The following TTLL11 variants were observed in gnomAD, a reference collection of about 807,000 sequenced individuals.
The protein encoded by TTLL11 is tubulin tyrosine ligase like 11, also known as tubulin polyglutamylase TTLL11.
Under a neutral mutation model 51.7 loss-of-function variants are expected in TTLL11, and 42 were observed. That is an observed-to-expected ratio of 0.81 (90% confidence interval 0.64 to 1.05). The LOEUF is 1.05. TTLL11 is among the 50% of genes least tolerant of loss of function. TTLL11 has a pLI of 0.00. For synonymous variants in TTLL11, 381 were observed against 383.5 expected (o/e 0.99, Z 0.08); for missense variants, 799 against 940.4 (o/e 0.85, Z 1.97).
At chr9:121,984,040 T>G (rs932877643) in intron 4 of TTLL11, among the ~76,000 whole-genome samples, 2 of 152,082 alleles carry the variant, frequency 1.3e-5, no homozygotes, top group Non-Finnish European at 2.9e-5. Context: ...GCATGCCAGG[T>G]CAGCCGAGAC....
chr9:121,902,408 T>G (rs1017918020), intron 6 of TTLL11, among the ~76,000 whole-genome samples: 2 of 152,222 alleles, frequency 1.3e-5, no homozygotes, highest in Non-Finnish European at 2.9e-5. Context: ...CTTTTTCCAT[T>G]GTTCTGTGCG....
intron 8 of TTLL11, among the ~76,000 whole-genome samples, chr9:121,850,376 T>C (rs1444705735): frequency 1.3e-5 from 2 of 151,434 alleles, no homozygotes; most frequent in Non-Finnish European, 2.9e-5. Flanking sequence ...ATGCCAATGG[T>C]GTAACTCTCA....
At chr9:121,831,097 G>A (rs1015179643) in intron 8 of TTLL11, among the ~76,000 whole-genome samples, 1 of 152,224 alleles carries the variant, frequency 6.6e-6, no homozygotes, top group Non-Finnish European at 1.5e-5. Flanking sequence ...GGATGTGGGT[G>A]TGAAGGCAAG....
intron 6 of TTLL11, among the ~76,000 whole-genome samples, chr9:121,882,102 G>A (rs950970895): frequency 1.3e-5 from 2 of 152,230 alleles, no homozygotes; most frequent in East Asian, 1.9e-4. Context: ...CACTCAGTAA[G>A]TGTTAGCTGC....
At chr9:122,031,681 C>A (rs1477682951) in intron 3 of TTLL11, 42 bp downstream of exon 3, 3 of 1,603,348 alleles carry the variant, frequency 1.9e-6, no homozygotes, top group Middle Eastern at 2.3e-4. Context: ...CAGTTGCAAG[C>A]ATAATATAAT....
At position 121,940,587 on chromosome 9, in the gene TTLL11, C is replaced by T. The variant is rs1174245763; in HGVS notation, c.1481+33422G>A. ...ACTCCTGACCTCATGATCTGCCCAC[C>T]TCAGCCTCCCAAAGTGCTGGGATTA... On this transcript the variant is annotated intron_variant, in intron 6 of 8. Transcript: ENST00000321582. Among the ~76,000 whole-genome samples the T allele has an allele frequency of 2.0e-5, 3 of 152,122 alleles. No homozygotes were observed. The East Asian group carries it at 5.8e-4, about 29-fold the overall frequency.
chr9:121,926,342 G>C (rs1403511451), intron 6 of TTLL11, among the ~76,000 whole-genome samples: 1 of 152,206 alleles, frequency 6.6e-6, no homozygotes, highest in Admixed American at 6.5e-5. Flanking sequence ...CTCCCTCCAG[G>C]TCCGCGGGTC....
intron 7 of TTLL11, among the ~76,000 whole-genome samples, chr9:121,867,759 C>T (rs1838222677): frequency 6.6e-6 from 1 of 152,016 alleles, no homozygotes; most frequent in Non-Finnish European, 1.5e-5. Flanking sequence ...CTCTGAATGC[C>T]ACCCTGCTGG....
intron 6 of TTLL11, among the ~76,000 whole-genome samples, chr9:121,876,057 G>C (rs1213711533): frequency 6.6e-6 from 1 of 152,166 alleles, no homozygotes; most frequent in Non-Finnish European, 1.5e-5. Context: ...AGTGTAGGTG[G>C]AAACGATTCC....
At chr9:121,967,417 G>C (rs550023093) in intron 6 of TTLL11, among the ~76,000 whole-genome samples, 1 of 152,002 alleles carries the variant, frequency 6.6e-6, no homozygotes, top group South Asian at 2.1e-4. Context: ...TAAAGATGGG[G>C]TTTCACCATG....
At chr9:122,042,752 T>G (rs1441908614) in intron 1 of TTLL11, among the ~76,000 whole-genome samples, 9 of 152,268 alleles carry the variant, frequency 5.9e-5, no homozygotes, top group African/African-American at 2.2e-4. Context: ...GAAATATTAT[T>G]CAGTGCTAAA....
rs201079340 is a variant in TTLL11 at position 122,092,895 on chromosome 9, G to C, written c.254C>G (p.Pro85Arg). Reference sequence around the variant, plus strand: ...CGGCTTGGACGGGGGCAGCGTGGGCGGCGGCCGCTGAAGGACCTGGGTGTT... The same window carrying C: ...CGGCTTGGACGGGGGCAGCGTGGGCCGCGGCCGCTGAAGGACCTGGGTGTT... ...EGNTQVLQRP[P>R]PTLPPSKPKP... The change falls in exon 1 of 9, where the codon CCG (proline) becomes CGG (arginine). Residue 85 changes from proline to arginine, a missense_variant. By Grantham distance (103) the Pro-to-Arg change is moderately radical. Coordinates refer to ENST00000321582, the MANE Select transcript of TTLL11 (RefSeq NM_001139442.2). 3 of 1,568,812 alleles carry C rather than the reference G, an allele frequency of 1.9e-6. No homozygotes were observed. The highest frequency in any genetic ancestry group is 2.6e-6 in the Non-Finnish European group (3 of 1,165,710).
At chr9:121,893,678 C>A (rs919917045) in intron 6 of TTLL11, among the ~76,000 whole-genome samples, 1 of 152,112 alleles carries the variant, frequency 6.6e-6, no homozygotes, top group African/African-American at 2.4e-5. Context: ...CATTCCTCTG[C>A]CTGTATCTGC....
At chr9:121,848,355 G>T (rs1837575703) in intron 8 of TTLL11, among the ~76,000 whole-genome samples, 1 of 150,748 alleles carries the variant, frequency 6.6e-6, no homozygotes, top group Admixed American at 6.6e-5. Context: ...GGAAGAAAAA[G>T]TCCCCCCCCT....
At chr9:121,894,488 G>A (rs1187792469) in intron 6 of TTLL11, among the ~76,000 whole-genome samples, 2 of 152,106 alleles carry the variant, frequency 1.3e-5, no homozygotes, top group Non-Finnish European at 1.5e-5. Context: ...CAAAGACTTG[G>A]AACCAACCCA....
In TTLL11 at chr9:121,826,549, A is replaced by ATG. The variant is rs1297234932; in HGVS notation, c.1841-3672_1841-3671dup. On this transcript the variant is annotated intron_variant, in intron 8 of 8. Coordinates refer to ENST00000321582, the MANE Select transcript of TTLL11 (RefSeq NM_001139442.2). The stretch of plus-strand genomic sequence containing the variant: ...TATATGTGTGTGTGTATATATATAT[A>ATG]TGTGTGTGTATATATATATATATAT... Among the ~76,000 whole-genome samples the ATG allele has an allele frequency of 0.01, 309 of 30,096 alleles. 25 individuals carry two copies. The East Asian group carries it at 0.1, about 10-fold the overall frequency. 19.7% of individuals were successfully genotyped at this position (30,096 alleles called of 152,430 possible).
Position 121,984,297 on chromosome 9 carries a change from T to A in TTLL11, c.1269+4898A>T, listed in dbSNP as rs1842894623. Among the ~76,000 whole-genome samples the A allele has an allele frequency of 1.3e-5, 2 of 152,218 alleles. 1 individual carries two copies. The highest frequency in any genetic ancestry group is 4.1e-4 in the South Asian group (2 of 4,828). On this transcript the variant is annotated intron_variant, in intron 4 of 8. Coordinates refer to ENST00000321582, the MANE Select transcript of TTLL11 (RefSeq NM_001139442.2). Reference sequence around the variant, plus strand: ...CTTACAACTTTAAGGCACTTCATCATAGACAAATTTGAGAGCTGTTGTGGT... The same window carrying A: ...CTTACAACTTTAAGGCACTTCATCAAAGACAAATTTGAGAGCTGTTGTGGT...
chr9:121,975,036 T>C (rs1842667991), intron 4 of TTLL11, 57 bp from the exon 5 acceptor site: 1 of 1,253,588 alleles, frequency 8.0e-7, no homozygotes. Context: ...GGTATTAGGG[T>C]CATTAAGTTG....
Position 122,093,111 on chromosome 9 carries a change from C to A in TTLL11, c.38G>T (p.Arg13Leu), listed in dbSNP as rs377095980. 9.2e-5 allele frequency: 138 copies of A among 1,496,670 alleles called. No individual in the cohort carries two copies. In the East Asian group the frequency reaches 3.1e-3, roughly 34 times the overall value. The allele number at this position is 1,496,670 out of a possible 1,614,324, so 92.7% of individuals were successfully genotyped here. A position where few individuals can be genotyped will look rare whatever the true frequency, so the allele number is the denominator to read the frequency against. Residue 13 changes from arginine to leucine, a missense_variant, in exon 1 of 9, where the codon CGG becomes CTG. Physicochemically the swap from Arg to Leu is moderately radical, Grantham distance 102. Transcript: ENST00000321582. Reference sequence around the variant, plus strand: ...CGCAGCCACCGCCTCCGCCTCCCACCGGGCCGCCAGCTCGCTCTCGGAGCT... The same window carrying A: ...CGCAGCCACCGCCTCCGCCTCCCACAGGGCCGCCAGCTCGCTCTCGGAGCT... Reference protein sequence around the residue: ...RGSSESELAARWEAEAVAAAK... With the variant: ...RGSSESELAALWEAEAVAAAK...
Sources: gnomAD v4.1 joint callset for allele counts (sites outside exome capture counted in the v4.1 genomes callset) on GRCh38, gnomAD v4.1.1 for gene constraint, MANE v1.5 for transcripts, NCBI Gene and HGNC (gene_info 2026-07-23, HGNC 2026-07-21) for gene names.